CEACAM3: variants seen among roughly 807,000 people sequenced by gnomAD.
The protein encoded by CEACAM3 is CEA cell adhesion molecule 3, also known as cell adhesion molecule CEACAM3.
CEACAM3 carries 32 observed loss-of-function variants against 30.1 expected under a neutral mutation model. The ratio of observed to expected loss-of-function variants is 1.06; its 90% confidence interval spans 0.80 to 1.43. CEACAM3 has a LOEUF of 1.43. Among genes scored for constraint, CEACAM3 ranks in the 40% most tolerant of loss-of-function variants. CEACAM3 has a pLI of 0.00. For missense variants in CEACAM3, 290 were observed against 316.3 expected, an observed-to-expected ratio of 0.92 and a Z score of 0.63; for synonymous variants, 134 against 127.2, an observed-to-expected ratio of 1.05 and a Z score of -0.36.
chr19:41,805,285 C>CTTTTT (rs782317671), intron 2 of CEACAM3, among the ~76,000 whole-genome samples: 4 of 105,026 alleles, frequency 3.8e-5, no homozygotes, highest in African/African-American at 1.1e-4. Context: ...CTTTTTTCTT[C>CTTTTT]TTTTTTTTTT....
chr19:41,811,089 C>T, intron 6 of CEACAM3, 83 bp from the exon 7 acceptor site: 2 of 1,501,352 alleles, frequency 1.3e-6, no homozygotes, highest in South Asian at 2.3e-5. Context: ...CAGAGCAGCC[C>T]TGGATGGGCC....
intron 1 of CEACAM3, 38 bp downstream of exon 1, chr19:41,796,779 A>G: frequency 1.3e-6 from 2 of 1,590,740 alleles, no homozygotes; most frequent in Non-Finnish European, 1.7e-6. Flanking sequence ...AAGAGGAGGG[A>G]TCACAGAGAA....
chr19:41,798,518 C>T (rs73933906), intron 2 of CEACAM3, among the ~76,000 whole-genome samples: 8,281 of 152,288 alleles, frequency 0.054, 732 homozygotes, highest in African/African-American at 0.19. Context: ...AAGAACCTCT[C>T]CTGGGCAAGG....
At chr19:41,810,103 C>T (rs2073237046) in intron 4 of CEACAM3, 86 bp downstream of exon 4, 1 of 1,415,762 alleles carries the variant, frequency 7.1e-7, no homozygotes, top group African/African-American at 1.4e-5. Flanking sequence ...GCCAGGCAGA[C>T]TCTGATCCTT....
intron 2 of CEACAM3, among the ~76,000 whole-genome samples, chr19:41,806,122 G>A (rs1014837223): frequency 6.6e-6 from 1 of 152,026 alleles, no homozygotes; most frequent in African/African-American, 2.4e-5. Context: ...CTGCCTCCCA[G>A]GTTCAAGTGA....
chr19:41,809,079 C>A, intron 3 of CEACAM3, 149 bp downstream of exon 3: 1 of 611,790 alleles, frequency 1.6e-6, no homozygotes, highest in Non-Finnish European at 2.9e-6. Flanking sequence ...GCTCCTCCCT[C>A]GTCAGCTCCT....
intron 3 of CEACAM3, chr19:41,809,229 T>G: frequency 4.3e-6 from 1 of 230,372 alleles, no homozygotes; most frequent in South Asian, 9.5e-5. Flanking sequence ...GGGAGGGAAG[T>G]AGGGAGGGAG....
At chr19:41,807,798 T>C (rs1388486268) in intron 2 of CEACAM3, among the ~76,000 whole-genome samples, 1 of 151,562 alleles carries the variant, frequency 6.6e-6, no homozygotes, top group Non-Finnish European at 1.5e-5. Flanking sequence ...TCCCACCATT[T>C]CCCCCCCAGA....
chr19:41,811,221 C>A lies in CEACAM3; in HGVS notation c.743C>A (p.Ala248Glu), dbSNP rs1555827612. 1.2e-6 allele frequency: 2 copies of A among 1,613,932 alleles called. No individual in the cohort carries two copies. Among genetic ancestry groups the A allele is most frequent in the Non-Finnish European group, 8.5e-7 (1 of 1,179,986 alleles). The change falls in exon 7 of 7, where the codon GCA becomes GAA. Residue 248 changes from alanine to glutamate, a missense_variant. By Grantham distance (107) the Ala-to-Glu change is moderately radical. Transcript: ENST00000357396. ...TNIYCRMDHK[A>E]EVAS is the part of the protein sequence containing the mutation. ...ATTTACTGCCGGATGGACCACAAAG[C>A]AGAAGTGGCTTCTTAGCTTCCTCCA... is the stretch of plus-strand genomic sequence containing the variant.
intron 2 of CEACAM3, among the ~76,000 whole-genome samples, chr19:41,805,423 G>A (rs2073191028): frequency 2.0e-5 from 3 of 151,542 alleles, no homozygotes; most frequent in African/African-American, 7.3e-5. Flanking sequence ...TAAGTAGCTG[G>A]GATTACAGGC....
intron 2 of CEACAM3, among the ~76,000 whole-genome samples, chr19:41,805,394 CA>C (rs782223608): frequency 2.7e-5 from 4 of 149,320 alleles, no homozygotes; most frequent in Non-Finnish European, 5.9e-5. Context: ...CAGGTTCAAG[CA>C]ATTCTCCCTA....
At position 41,797,626 on chromosome 19, in the gene CEACAM3, C is replaced by A; in HGVS notation, c.102C>A (p.Ala34=). The A allele has an allele frequency of 6.2e-7, 1 of 1,614,102 alleles. No homozygotes were observed. Among genetic ancestry groups the A allele is most frequent in the Admixed American group, 1.7e-5 (1 of 60,014 alleles). ...LLNFWNPPTT[A]KLTIESMPLS... The stretch of plus-strand genomic sequence containing the variant: ...ACTTCTGGAACCCGCCCACCACTGC[C>A]AAGCTCACTATTGAATCCATGCCGC... Residue 34 remains alanine, a synonymous_variant, in exon 2 of 7, where the codon GCC becomes GCA. Transcript: ENST00000357396.
At chr19:41,803,750 G>GTGTGAAAGA (rs2073175603) in intron 2 of CEACAM3, among the ~76,000 whole-genome samples, 3 of 86,234 alleles carry the variant, frequency 3.5e-5, no homozygotes, top group Non-Finnish European at 6.6e-5. Flanking sequence ...ACAGGCATGA[G>GTGTGAAAGA]CCACCATGCC....
At chr19:41,804,177 A>G (rs1402070720) in intron 2 of CEACAM3, among the ~76,000 whole-genome samples, 1 of 152,198 alleles carries the variant, frequency 6.6e-6, no homozygotes, top group African/African-American at 2.4e-5. Context: ...ATATTTTCTA[A>G]AAGCTGTAAC....
chr19:41,809,850 C>A, intron 3 of CEACAM3, 115 bp from the exon 4 acceptor site: 1 of 990,864 alleles, frequency 1.0e-6, no homozygotes, highest in Non-Finnish European at 1.6e-6. Context: ...CTGAGGGAGA[C>A]AGGAGGTCTC....
intron 2 of CEACAM3, among the ~76,000 whole-genome samples, chr19:41,798,795 G>A (rs529516517): frequency 3.3e-5 from 5 of 152,230 alleles, no homozygotes; most frequent in African/African-American, 9.6e-5. Flanking sequence ...TCAAGTAATT[G>A]TAAATATTTT....
At chr19:41,804,454 G>T (rs2073182739) in intron 2 of CEACAM3, among the ~76,000 whole-genome samples, 1 of 152,154 alleles carries the variant, frequency 6.6e-6, no homozygotes, top group African/African-American at 2.4e-5. Context: ...GCCTGTTTAG[G>T]CCCCTTCCTA....
chr19:41,807,797 T>A (rs1325584548), intron 2 of CEACAM3, among the ~76,000 whole-genome samples: 1 of 152,124 alleles, frequency 6.6e-6, no homozygotes, highest in Non-Finnish European at 1.5e-5. Context: ...TTCCCACCAT[T>A]TCCCCCCCAG....
chr19:41,808,280 T>C (rs1555827074), intron 2 of CEACAM3, among the ~76,000 whole-genome samples: 1 of 152,206 alleles, frequency 6.6e-6, no homozygotes, highest in African/African-American at 2.4e-5. Flanking sequence ...TCTGTGACCT[T>C]CCTTGACTTA....
Sources: allele counts gnomAD v4.1 joint callset (sites outside exome capture counted in the v4.1 genomes callset), GRCh38; gene constraint gnomAD v4.1.1; transcripts MANE v1.5; gene names NCBI Gene and HGNC (gene_info 2026-07-23, HGNC 2026-07-21).